The following TNN variants were observed in gnomAD, a reference collection of about 807,000 sequenced individuals.
TNN encodes the protein tenascin-N.
In TNN, 122 loss-of-function variants were observed where a neutral mutation model predicts 134.4. That is an observed-to-expected ratio of 0.91 (90% CI 0.78 to 1.06). The LOEUF (loss-of-function observed/expected upper bound fraction) is 1.06. TNN is among the 50% of genes least tolerant of loss of function. TNN has a pLI of 0.00. For synonymous variants in TNN, 710 were observed against 670.3 expected (o/e 1.06, Z -0.91); for missense variants, 1,739 against 1,699.4 (o/e 1.02, Z -0.41).
chr1:175,078,014 T>C lies in TNN; in HGVS notation c.409+187T>C, dbSNP rs912579336. On this transcript the variant is annotated intron_variant, in intron 2 of 18. Coordinates refer to ENST00000239462, the MANE Select transcript of TNN (RefSeq NM_022093.2). Reference sequence around the variant, plus strand: ...TCACTGGTACTAGCTCCAGGGGGCATCTGGAAGCTGAGCAGGGAGGGACCA... The same window carrying C: ...TCACTGGTACTAGCTCCAGGGGGCACCTGGAAGCTGAGCAGGGAGGGACCA... Among the ~76,000 whole-genome samples, 7 of 152,190 alleles carry C rather than the reference T, an allele frequency of 4.6e-5. No individual in the cohort carries two copies. The East Asian group carries it at 1.3e-3, about 29-fold the overall frequency.
intron 6 of TNN, among the ~76,000 whole-genome samples, chr1:175,090,485 G>C (rs1338731747): frequency 1.3e-5 from 2 of 152,064 alleles, no homozygotes; most frequent in Non-Finnish European, 2.9e-5. Context: ...ATTTCTCATA[G>C]ATTTTTCATC....
chr1:175,105,026 C>G (rs1674814115), intron 9 of TNN, among the ~76,000 whole-genome samples: 1 of 146,050 alleles, frequency 6.8e-6, no homozygotes, highest in South Asian at 2.3e-4. Flanking sequence ...GGCTTGCTGA[C>G]CAGTAGGGAA....
chr1:175,071,761 C>T (rs1673919914), intron 1 of TNN, among the ~76,000 whole-genome samples: 1 of 152,262 alleles, frequency 6.6e-6, no homozygotes, highest in African/African-American at 2.4e-5. Context: ...GGACCTGTCA[C>T]AAAGAATGAT....
chr1:175,100,847 C>T (rs1674703965), intron 9 of TNN, among the ~76,000 whole-genome samples: 1 of 151,978 alleles, frequency 6.6e-6, no homozygotes. Flanking sequence ...GCTAAGAACT[C>T]ATAATAGACA....
intron 9 of TNN, among the ~76,000 whole-genome samples, chr1:175,115,962 G>C (rs779353918): frequency 5.9e-5 from 9 of 152,150 alleles, no homozygotes; most frequent in Non-Finnish European, 1.2e-4. Flanking sequence ...GTTTCCTTCT[G>C]TTCTCTATGT....
intron 4 of TNN, 107 bp from the exon 5 acceptor site, chr1:175,083,642 CT>C (rs1236418846): frequency 9.6e-7 from 1 of 1,039,834 alleles, no homozygotes; most frequent in Non-Finnish European, 1.4e-6. Context: ...GAAGCCAGCT[CT>C]TGAGATGTCA....
intron 10 of TNN, among the ~76,000 whole-genome samples, chr1:175,117,761 T>C (rs540140633): frequency 6.6e-6 from 1 of 152,228 alleles, no homozygotes; most frequent in East Asian, 1.9e-4. Flanking sequence ...GAAATAGTAA[T>C]AGGATACACA....
At chr1:175,113,838 G>C (rs1463918743) in intron 9 of TNN, among the ~76,000 whole-genome samples, 1 of 151,856 alleles carries the variant, frequency 6.6e-6, no homozygotes, top group Non-Finnish European at 1.5e-5. Flanking sequence ...GCTTGATCAA[G>C]TCTGCTGTGG....
intron 17 of TNN, among the ~76,000 whole-genome samples, chr1:175,137,773 C>T (rs552790395): frequency 2.6e-5 from 4 of 152,280 alleles, no homozygotes; most frequent in South Asian, 2.1e-4. Context: ...TTGACATTTG[C>T]GTTTTTGACT....
intron 9 of TNN, among the ~76,000 whole-genome samples, chr1:175,114,201 G>T (rs576514478): frequency 5.0e-4 from 76 of 152,272 alleles, no homozygotes; most frequent in African/African-American, 1.7e-3. Flanking sequence ...TTCTAGAGTG[G>T]CTTTCTTAGA....
rs6664276 is a variant in TNN, at chr1:175,085,490, G to T, written c.1320G>T (p.Arg440Ser). ...GCAAGCCGATCCTCCTGAATGGCAG[G>T]ACAGGTGAGAGCTACTTGGAGGCAC... The part of the protein sequence containing the change: ...LEGKPILLNG[R>S]TEIDSPTNVV... Residue 440 changes from arginine to serine, a missense_variant, in exon 6 of 19, where the codon AGG becomes AGT. Coordinates refer to ENST00000239462, the MANE Select transcript of TNN (RefSeq NM_022093.2). 6.5e-3 allele frequency: 10,496 copies of T among 1,608,158 alleles called. 91 individuals are homozygous for T. The highest frequency in any genetic ancestry group is 0.03 in the South Asian group (2,685 of 90,474).
chr1:175,133,972 C>T (rs1357281981), intron 15 of TNN, among the ~76,000 whole-genome samples: 1 of 152,160 alleles, frequency 6.6e-6, no homozygotes, highest in Non-Finnish European at 1.5e-5. Flanking sequence ...AAAAGGCTCC[C>T]ACCTACAGCC....
Position 175,128,856 on chromosome 1 carries a change from C to T in TNN, c.3330+110C>T, listed in dbSNP as rs192132474. The T allele has an allele frequency of 5.4e-3, 6,451 of 1,195,400 alleles. 41 individuals are homozygous for T. The highest frequency in any genetic ancestry group is 6.6e-3 in the Non-Finnish European group (5,953 of 905,262). The allele number at this position is 1,195,400 out of a possible 1,614,324, so 74.0% of individuals were successfully genotyped here. A position where few individuals can be genotyped will look rare whatever the true frequency, so the allele number is the denominator to read the frequency against. Reference sequence around the variant, plus strand: ...TTTGGAGCCCTATTTCTTCTCCACCCATGGAAGAGAGGAGTTTTGGTGGCT... The same window carrying T: ...TTTGGAGCCCTATTTCTTCTCCACCTATGGAAGAGAGGAGTTTTGGTGGCT... On this transcript the variant is annotated intron_variant, in intron 15 of 18. Coordinates refer to ENST00000239462, the MANE Select transcript of TNN (RefSeq NM_022093.2).
intron 11 of TNN, among the ~76,000 whole-genome samples, chr1:175,121,601 C>T (rs889962106): frequency 8.5e-5 from 13 of 152,154 alleles, no homozygotes; most frequent in African/African-American, 2.7e-4. Context: ...CGTAGGGAAG[C>T]TGCTAGAAAA....
intron 4 of TNN, among the ~76,000 whole-genome samples, chr1:175,082,646 C>T (rs553567372): frequency 4.7e-4 from 72 of 152,284 alleles, no homozygotes; most frequent in Non-Finnish European, 6.9e-4. Context: ...GAATCGGGGA[C>T]GTTCAGAGCC....
intron 6 of TNN, among the ~76,000 whole-genome samples, chr1:175,090,539 G>A (rs1342602539): frequency 6.6e-6 from 1 of 152,154 alleles, no homozygotes; most frequent in African/African-American, 2.4e-5. Context: ...AGATTCACAG[G>A]TGGAAATTGT....
rs1675437685 is a variant in TNN, at chr1:175,123,626, C to T, written c.2877C>T (p.Ala959=). 6.2e-7 allele frequency: 1 copy of T among 1,613,968 alleles called. No individual in the cohort carries two copies. Among genetic ancestry groups the T allele is most frequent in the Non-Finnish European group, 8.5e-7 (1 of 1,180,022 alleles). The change falls in exon 12 of 19, where the codon GCC becomes GCT. Residue 959 remains alanine (A), a synonymous_variant. Coordinates refer to ENST00000239462, the MANE Select transcript of TNN (RefSeq NM_022093.2). ...TGCACGTGTGGGCCCAGAAGGGGGC[C>T]CAGGAGAGCAAGAAGGCTGACACCA... ...YMVHVWAQKG[A]QESKKADTKA... is the part of the protein sequence containing the mutation.
At position 175,148,008 on chromosome 1, in the gene TNN, T is replaced by C. The variant is rs776263729; in HGVS notation, c.*937T>C. ...GGAGGGTTTTCTGTAGCAAAATCAGTGACCAATGAAGTAACTTAAATTCCT... is the reference window on the plus strand; with the variant it reads ...GGAGGGTTTTCTGTAGCAAAATCAGCGACCAATGAAGTAACTTAAATTCCT... On this transcript the variant is annotated 3_prime_UTR_variant, in exon 19 of 19. Coordinates refer to ENST00000239462, the MANE Select transcript of TNN (RefSeq NM_022093.2). The C allele has an allele frequency of 5.9e-5, 9 of 152,126 alleles. No homozygotes were observed. Among genetic ancestry groups the C allele is most frequent in the Non-Finnish European group, 1.0e-4 (7 of 68,008 alleles). 9.4% of individuals were successfully genotyped at this position (152,126 alleles called of 1,614,324 possible). A position where few individuals can be genotyped will look rare whatever the true frequency, so the allele number is the denominator to read the frequency against.
intron 15 of TNN, among the ~76,000 whole-genome samples, chr1:175,128,977 A>G (rs1255764940): frequency 6.6e-6 from 1 of 152,182 alleles, no homozygotes; most frequent in East Asian, 1.9e-4. Flanking sequence ...GAAAGAATTC[A>G]GGGTGAGTCC....
Sources: gnomAD v4.1 joint callset for allele counts (sites outside exome capture counted in the v4.1 genomes callset) on GRCh38, gnomAD v4.1.1 for gene constraint, MANE v1.5 for transcripts, NCBI Gene and HGNC (gene_info 2026-07-23, HGNC 2026-07-21) for gene names.